DNAAF5: variants seen among roughly 807,000 people sequenced by gnomAD.
DNAAF5 encodes the protein HEAT repeat containing 2.
In DNAAF5, 64 loss-of-function variants were observed where a neutral mutation model predicts 75.8. The observed-to-expected ratio is 0.84, with a 90% CI of 0.69 to 1.04. The LOEUF (loss-of-function observed/expected upper bound fraction) is 1.04, where lower values mean the gene tolerates loss of function less well. Among genes scored for constraint, DNAAF5 ranks in the 50% least tolerant of loss-of-function variants. The probability of loss-of-function intolerance (pLI) is 0.00; values close to 1 mark genes in which losing one functional copy is unlikely to be tolerated. For missense variants in DNAAF5, 1,269 were observed against 1,178.5 expected (o/e 1.08, Z -1.12); for synonymous variants, 657 against 557.2 (o/e 1.18, Z -2.52).
In DNAAF5 at chr7:761,777, C is replaced by A. The variant is rs748956616; in HGVS notation, c.1495C>A (p.Leu499Met). Residue 499 changes from leucine to methionine, a missense_variant, in exon 7 of 13, where the codon CTG becomes ATG. By Grantham distance (15) the Leu-to-Met change is conservative. Transcript: ENST00000297440. Reference sequence around the variant, plus strand: ...GGACCTCTACCTGGAGCGCCTGCTGCTGTGTGTGCAGGCTCTGGTGTCTGT... The same window carrying A: ...GGACCTCTACCTGGAGCGCCTGCTGATGTGTGTGCAGGCTCTGGTGTCTGT... The part of the protein sequence containing the change: ...ENDLYLERLL[L>M]CVQALVSVCH... 6.2e-7 allele frequency: 1 copy of A among 1,608,454 alleles called. No homozygotes were observed. The highest frequency in any genetic ancestry group is 2.2e-5 in the East Asian group (1 of 44,574).
rs1198936230 is a variant in DNAAF5 at position 727,418 on chromosome 7, C to T, written c.595+103C>T. The T allele has an allele frequency of 2.3e-5, 13 of 559,216 alleles. No individual in the cohort carries two copies. The East Asian group carries it at 3.4e-4, about 15-fold the overall frequency. 34.6% of individuals were successfully genotyped at this position (559,216 alleles called of 1,614,324 possible). On this transcript the variant is annotated intron_variant, in intron 1 of 12. Transcript: ENST00000297440. ...ACCCCCGCGGCTCGGCCCCGCCCCC[C>T]TCCACGCCCGCACCCCCCAACATCC...
chr7:770,676 C>T, intron 9 of DNAAF5, 58 bp downstream of exon 9: 1 of 1,538,828 alleles, frequency 6.5e-7, no homozygotes, highest in East Asian at 2.3e-5. Flanking sequence ...CAGGGGTCCC[C>T]ATCTCCCTCC....
At chr7:739,385 C>T (rs1017719661) in intron 2 of DNAAF5, among the ~76,000 whole-genome samples, 4 of 152,172 alleles carry the variant, frequency 2.6e-5, no homozygotes, top group East Asian at 1.9e-4. Context: ...GACCTGCCGG[C>T]GCCATGGGTG....
chr7:754,034 C>G lies in DNAAF5; in HGVS notation c.1025-555C>G, dbSNP rs1782403159. Among the ~76,000 whole-genome samples, 3 of 150,280 alleles carry G rather than the reference C, an allele frequency of 2.0e-5. No homozygotes were observed. The highest frequency in any genetic ancestry group is 4.2e-4 in the South Asian group (2 of 4,730). Reference sequence around the variant, plus strand: ...TAGGGGGACGGCTTCGCAGGCGTGTCTCTCATCATATGGCGATGGCTTCGC... The same window carrying G: ...TAGGGGGACGGCTTCGCAGGCGTGTGTCTCATCATATGGCGATGGCTTCGC... On this transcript the variant is annotated intron_variant, in intron 4 of 12. Transcript: ENST00000297440. The surrounding 1 kb of genome is among the most constrained non-coding windows in gnomAD (Gnocchi z 4.8).
chr7:782,739 G>A (rs1420185247), intron 12 of DNAAF5, among the ~76,000 whole-genome samples: 3 of 119,406 alleles, frequency 2.5e-5, no homozygotes, highest in African/African-American at 3.4e-5. Context: ...GCCGCCTCCC[G>A]TCACGCAGCG....
chr7:729,870 A>G (rs770239402), intron 2 of DNAAF5, 23 bp downstream of exon 2: 23 of 1,611,566 alleles, frequency 1.4e-5, no homozygotes, highest in Admixed American at 3.3e-5. Context: ...TCTCCTGGAC[A>G]GTCTGTTCCT....
chr7:737,757 G>T (rs73032406), intron 2 of DNAAF5, among the ~76,000 whole-genome samples: 23,785 of 152,200 alleles, frequency 0.16, 2,361 homozygotes, highest in Middle Eastern at 0.29. Flanking sequence ...GCCCAGTGAG[G>T]TCTCCTCTGA....
chr7:736,587 G>T (rs187674239), intron 2 of DNAAF5, among the ~76,000 whole-genome samples: 3 of 152,004 alleles, frequency 2.0e-5, no homozygotes, highest in African/African-American at 7.3e-5. Context: ...TTCAGCCTAC[G>T]TGTGCCTTTT....
chr7:746,716 G>A (rs1183293870), intron 4 of DNAAF5, among the ~76,000 whole-genome samples: 3 of 150,950 alleles, frequency 2.0e-5, no homozygotes, highest in Admixed American at 6.6e-5. Flanking sequence ...GTCTGTGATA[G>A]CCCTTCCCCC....
rs778890700 is a variant in DNAAF5, at chr7:769,190, C to T, written c.1784-1281C>T. 5.2e-6 allele frequency: 4 copies of T among 774,344 alleles called. No individual in the cohort carries two copies. The East Asian group carries it at 9.7e-5, about 19-fold the overall frequency. 48.0% of individuals were successfully genotyped at this position (774,344 alleles called of 1,614,324 possible). A position where few individuals can be genotyped will look rare whatever the true frequency, so the allele number is the denominator to read the frequency against. On this transcript the variant is annotated intron_variant, in intron 8 of 12. Transcript: ENST00000297440. ...GGAGAAGGCTCACATCGCGAGGTCCCCAGCAACGGCTCAAGGTGACTCACA... is the reference window on the plus strand; with the variant it reads ...GGAGAAGGCTCACATCGCGAGGTCCTCAGCAACGGCTCAAGGTGACTCACA...
At chr7:741,022 C>G (rs530484026) in intron 3 of DNAAF5, 79 bp downstream of exon 3, 12 of 1,534,754 alleles carry the variant, frequency 7.8e-6, no homozygotes, top group Middle Eastern at 1.7e-4. Flanking sequence ...TGCTCCCAGT[C>G]TCTCACAGAA....
intron 6 of DNAAF5, 52 bp downstream of exon 6, chr7:757,046 G>T: frequency 6.6e-7 from 1 of 1,517,546 alleles, no homozygotes. Flanking sequence ...TCCCCTGCCC[G>T]GCCGTCAGCC....
chr7:785,436 C>T, intron 12 of DNAAF5, 81 bp from the exon 13 acceptor site: 2 of 1,530,530 alleles, frequency 1.3e-6, no homozygotes, highest in Non-Finnish European at 1.8e-6. Flanking sequence ...TTGAACTTCA[C>T]TACAAAGCCA....
At chr7:763,136 T>G (rs1782718622) in intron 7 of DNAAF5, among the ~76,000 whole-genome samples, 1 of 152,176 alleles carries the variant, frequency 6.6e-6, no homozygotes, top group African/African-American at 2.4e-5. Flanking sequence ...CCCTTCCTTC[T>G]TGGGGCCTCT....
chr7:729,668 T>A lies in DNAAF5; in HGVS notation c.601T>A (p.Phe201Ile), dbSNP rs1781500288. ...AALAQATPDHFHMQSESLIGP... is the reference protein window; with the variant it reads ...AALAQATPDHIHMQSESLIGP... ...GGGGCCTCCCTGTCCCTCAGACCAC[T>A]TCCACATGCAGTCGGAGTCTCTGAT... Residue 201 changes from phenylalanine to isoleucine, a missense_variant, in exon 2 of 13, where the codon TTC becomes ATC. Phe to Ile is a conservative substitution (Grantham distance 21). Transcript: ENST00000297440. 6.2e-7 allele frequency: 1 copy of A among 1,613,602 alleles called. No homozygotes were observed. The highest frequency in any genetic ancestry group is 8.5e-7 in the Non-Finnish European group (1 of 1,179,874).
chr7:730,502 G>A (rs1781530454), intron 2 of DNAAF5, among the ~76,000 whole-genome samples: 1 of 152,214 alleles, frequency 6.6e-6, no homozygotes, highest in African/African-American at 2.4e-5. Context: ...CACTGTGCAT[G>A]GTTCCAGGTT....
intron 8 of DNAAF5, among the ~76,000 whole-genome samples, chr7:765,700 TTTTTTTG>T (rs1176518689): frequency 9.9e-5 from 15 of 152,114 alleles, no homozygotes; most frequent in African/African-American, 2.4e-4. Context: ...ACTGTATGGG[TTTTTTTG>T]TTTTTTGTTT....
At chr7:775,187 C>T (rs1778719425) in intron 11 of DNAAF5, 25 bp downstream of exon 11, 1 of 1,610,494 alleles carries the variant, frequency 6.2e-7, no homozygotes, top group Non-Finnish European at 8.5e-7. Context: ...TTGTTCACAG[C>T]CTGTGTATAT....
At position 726,794 on chromosome 7, in the gene DNAAF5, T is replaced by A; in HGVS notation, c.74T>A (p.Val25Glu). The change falls in exon 1 of 13, where the codon GTG becomes GAG. Residue 25 changes from valine to glutamate, a missense_variant. Coordinates refer to ENST00000297440, the MANE Select transcript of DNAAF5 (RefSeq NM_017802.4). ...PAEGAETAEAVELSRALSRLL... is the reference protein window; with the variant it reads ...PAEGAETAEAEELSRALSRLL... ...GAGGGGGCCGAGACGGCTGAGGCGG[T>A]GGAGCTGAGCCGCGCCCTGAGCCGC... 1 of 1,290,106 alleles carries A rather than the reference T, an allele frequency of 7.8e-7. No homozygotes were observed. The highest frequency in any genetic ancestry group is 9.8e-7 in the Non-Finnish European group (1 of 1,021,250). 79.9% of individuals were successfully genotyped at this position (1,290,106 alleles called of 1,614,324 possible).
Sources: gnomAD v4.1 joint callset for allele counts (sites outside exome capture counted in the v4.1 genomes callset) on GRCh38, gnomAD v4.1.1 for gene constraint, Gnocchi (gnomAD v3.1) non-coding constraint, MANE v1.5 for transcripts, NCBI Gene and HGNC (gene_info 2026-07-23, HGNC 2026-07-21) for gene names.